Variants in DLG3 observed in about 807,000 individuals in gnomAD.
DLG3 encodes discs large MAGUK scaffold protein 3.
DLG3 carries 1 observed loss-of-function variant against 64.1 expected under a neutral mutation model. That is an observed-to-expected ratio of 0.02 (90% CI 0.01 to 0.07). DLG3 has a LOEUF of 0.07. DLG3 is among the 10% of genes least tolerant of loss of function. The probability of loss-of-function intolerance (pLI) is 1.00; values close to 1 mark genes in which losing one functional copy is unlikely to be tolerated. For missense variants in DLG3, 429 were observed against 669.5 expected (o/e 0.64, Z 3.96); for synonymous variants, 245 against 259.8 (o/e 0.94, Z 0.55).
chrX:70,454,972 GC>G, intron 9 of DLG3: 1 of 724,956 alleles, frequency 1.4e-6, no homozygotes. Context: ...GCCGAGGTGA[GC>G]CGCGGGAAGG....
At chrX:70,495,358 C>G in intron 12 of DLG3, 50 bp from the exon 13 acceptor site, 1 of 1,138,294 alleles carries the variant, frequency 8.8e-7, no homozygotes, top group Non-Finnish European at 1.2e-6. Context: ...TCCCCTTCCC[C>G]CCTCTTCTCC....
chrX:70,445,213 C>A lies in DLG3; in HGVS notation c.12C>A (p.His4Gln), dbSNP rs910976467. 8.6e-7 allele frequency: 1 copy of A among 1,158,979 alleles called. No individual in the cohort carries two copies. The highest frequency in any genetic ancestry group is 1.9e-5 in the South Asian group (1 of 52,772). MHKHQHCCKCPECY... is the reference protein window; with the variant it reads MHKQQHCCKCPECY... ...CGGGGGGCAGTGCCATGCACAAGCA[C>A]CAGCACTGCTGTAAGTGCCCTGAGT... is the stretch of plus-strand genomic sequence containing the variant. Residue 4 changes from histidine (H) to glutamine (Q), a missense_variant, in exon 1 of 19, where the codon CAC becomes CAA. Around this residue, in one of 9 missense-constraint regions of DLG3, gnomAD observed 123 missense variants for 113.3 expected, o/e 1.09. Coordinates refer to ENST00000374360, the MANE Select transcript of DLG3 (RefSeq NM_021120.4).
At chrX:70,467,910 T>C (rs1329058735) in intron 9 of DLG3, among the ~76,000 whole-genome samples, 1 of 111,982 alleles carries the variant, frequency 8.9e-6, no homozygotes, top group Non-Finnish European at 1.9e-5. Context: ...TGCTTTAAGA[T>C]ATAGAGAAGG....
intron 9 of DLG3, among the ~76,000 whole-genome samples, chrX:70,472,094 A>G (rs1229487995): frequency 8.9e-6 from 1 of 112,199 alleles, no homozygotes; most frequent in African/African-American, 3.2e-5. Flanking sequence ...GCACTCTGCC[A>G]TCTACTCCCA....
At chrX:70,447,769 G>C (rs1231526267) in intron 1 of DLG3, among the ~76,000 whole-genome samples, 1 of 112,393 alleles carries the variant, frequency 8.9e-6, no homozygotes, top group Admixed American at 9.4e-5. Flanking sequence ...CCAGCAGGCA[G>C]GTGCTGCTTG....
chrX:70,469,021 A>G (rs2086927436), intron 9 of DLG3, among the ~76,000 whole-genome samples: 1 of 110,578 alleles, frequency 9.0e-6, no homozygotes, highest in Admixed American at 9.7e-5. Flanking sequence ...CTTCATTATT[A>G]TTATTTTCAG....
rs1268183953 is a variant in DLG3, at chrX:70,452,763, T to C, written c.1145+737T>C. 4.9e-5 allele frequency: 57 copies of C among 1,163,843 alleles called. No individual in the cohort carries two copies. Among genetic ancestry groups the C allele is most frequent in the Non-Finnish European group, 6.0e-5 (52 of 873,187 alleles). ...GCCCGGAGGGGATGCCAGGTAGGAG[T>C]GGAGGGCTAGGAGCAAGAGCATCCG... On this transcript the variant is annotated intron_variant, in intron 7 of 18. Transcript: ENST00000374360.
intron 9 of DLG3, among the ~76,000 whole-genome samples, chrX:70,478,087 A>G: frequency 8.9e-6 from 1 of 112,439 alleles, no homozygotes; most frequent in Middle Eastern, 4.6e-3. Context: ...CTTCAAAGTC[A>G]GCTTGTCATA....
At chrX:70,461,562 A>T (rs1374643740) in intron 9 of DLG3, among the ~76,000 whole-genome samples, 1 of 103,779 alleles carries the variant, frequency 9.6e-6, no homozygotes, top group Non-Finnish European at 2.0e-5. Flanking sequence ...GATAAAAATG[A>T]TAGGGCCCCC....
At chrX:70,460,862 G>A (rs764874060) in intron 9 of DLG3, among the ~76,000 whole-genome samples, 1 of 111,828 alleles carries the variant, frequency 8.9e-6, no homozygotes, top group East Asian at 2.8e-4. Flanking sequence ...CTCTCACTTA[G>A]CATAATATTG....
intron 4 of DLG3, 123 bp from the exon 5 acceptor site, chrX:70,450,046 T>TC (rs1252109909): frequency 9.7e-7 from 1 of 1,027,425 alleles, no homozygotes; most frequent in Non-Finnish European, 1.3e-6. Flanking sequence ...AGCGTTTGGA[T>TC]CCCCCGGGGG....
In DLG3 at chrX:70,472,573, A is replaced by C. The variant is rs772825838; in HGVS notation, c.1406-6577A>C. Among the ~76,000 whole-genome samples, 4 of 111,180 alleles carry C rather than the reference A, an allele frequency of 3.6e-5. 1 individual carries two copies. In the South Asian group the frequency reaches 1.5e-3, roughly 43 times the overall value. On this transcript the variant is annotated intron_variant, in intron 9 of 18. Coordinates refer to ENST00000374360, the MANE Select transcript of DLG3 (RefSeq NM_021120.4). ...CCTGTCTCAGAAAAGAAAAAGAAAA[A>C]AAAAGAATTAGAGAGCTTCCCAGTA... is the stretch of plus-strand genomic sequence containing the variant.
At chrX:70,467,431 G>T (rs898971319) in intron 9 of DLG3, among the ~76,000 whole-genome samples, 8 of 111,415 alleles carry the variant, frequency 7.2e-5, no homozygotes, top group Admixed American at 9.6e-5. Flanking sequence ...TTTTACTTTT[G>T]GATTATCAGT....
chrX:70,497,228 G>A lies in DLG3; in HGVS notation c.1820-1292G>A. On this transcript the variant is annotated intron_variant, in intron 13 of 18. Coordinates refer to ENST00000374360, the MANE Select transcript of DLG3 (RefSeq NM_021120.4). ...GACAGCGAAAGCAGTTCCAGTAAGT[G>A]TGTGTCATTCCTTCCATGTCGTGTA... is the stretch of plus-strand genomic sequence containing the variant. 1 of 1,207,740 alleles carries A rather than the reference G, an allele frequency of 8.3e-7. No homozygotes were observed. Among genetic ancestry groups the A allele is most frequent in the Admixed American group, 2.2e-5 (1 of 46,130 alleles).
Position 70,500,341 on chromosome X carries a change from T to C in DLG3, c.2146-130T>C, listed in dbSNP as rs781132042. Reference sequence around the variant, plus strand: ...AGAGATCGAATTTCTTAGGCCACTTTGGGTGGCCCTCGTGCCCCTCCCCTC... The same window carrying C: ...AGAGATCGAATTTCTTAGGCCACTTCGGGTGGCCCTCGTGCCCCTCCCCTC... On this transcript the variant is annotated intron_variant, in intron 16 of 18. Coordinates refer to ENST00000374360, the MANE Select transcript of DLG3 (RefSeq NM_021120.4). 755 of 582,181 alleles carry C rather than the reference T, an allele frequency of 1.3e-3. 10 individuals carry two copies. The highest frequency in any genetic ancestry group is 4.0e-4 in the Admixed American group (15 of 37,340). The allele number at this position is 582,181 out of a possible 1,213,427, so 48.0% of individuals were successfully genotyped here.
At position 70,494,600 on chromosome X, in the gene DLG3, G is replaced by A. The variant is rs771437765; in HGVS notation, c.1774-808G>A. 2.8e-4 allele frequency among the ~76,000 whole-genome samples: 32 copies of A among 112,434 alleles called. 1 individual carries two copies. In the South Asian group the frequency reaches 0.011, roughly 39 times the overall value. On this transcript the variant is annotated intron_variant, in intron 12 of 18. Coordinates refer to ENST00000374360, the MANE Select transcript of DLG3 (RefSeq NM_021120.4). The stretch of plus-strand genomic sequence containing the variant: ...GACGGGGTGGCTCTGCTCATGAGCA[G>A]TTAGGAGACAGTCTGAGTCAGAGGC...
At chrX:70,502,091 G>T (rs1039416949) in intron 18 of DLG3, 72 bp from the exon 19 acceptor site, 3 of 777,703 alleles carry the variant, frequency 3.9e-6, no homozygotes, top group Non-Finnish European at 5.8e-6. Flanking sequence ...ATTGTTGGGA[G>T]AGGCAGGATT....
At position 70,503,385 on chromosome X, in the gene DLG3, C is replaced by G. The variant is rs1302045380; in HGVS notation, c.*1116C>G. 8.9e-6 allele frequency: 1 copy of G among 112,136 alleles called. No individual in the cohort carries two copies. The highest frequency in any genetic ancestry group is 1.9e-5 in the Non-Finnish European group (1 of 53,188). The allele number at this position is 112,136 out of a possible 1,213,427, so 9.2% of individuals were successfully genotyped here. A position where few individuals can be genotyped will look rare whatever the true frequency, so the allele number is the denominator to read the frequency against. On this transcript the variant is annotated 3_prime_UTR_variant, in exon 19 of 19. Transcript: ENST00000374360. ...CTTATGAGGTCCTGAAGGAGCCAGGCCTTGTGATGGAGTAGGTGACACAGG... is the reference window on the plus strand; with the variant it reads ...CTTATGAGGTCCTGAAGGAGCCAGGGCTTGTGATGGAGTAGGTGACACAGG...
rs1321434010 is a variant in DLG3 at position 70,450,089 on chromosome X, G to A, written c.704-80G>A. Reference sequence around the variant, plus strand: ...TGTGGGGCCAGTGGGTTGGCTGGGGGAGGGGGTTTGGATTTGGGATCGACA... The same window carrying A: ...TGTGGGGCCAGTGGGTTGGCTGGGGAAGGGGGTTTGGATTTGGGATCGACA... On this transcript the variant is annotated intron_variant, in intron 4 of 18. Coordinates refer to ENST00000374360, the MANE Select transcript of DLG3 (RefSeq NM_021120.4). 5 of 1,157,596 alleles carry A rather than the reference G, an allele frequency of 4.3e-6. No homozygotes were observed. In the African/African-American group the frequency reaches 8.9e-5, roughly 21 times the overall value.
Sources: allele counts gnomAD v4.1 joint callset (sites outside exome capture counted in the v4.1 genomes callset), GRCh38; gene constraint gnomAD v4.1.1; regional missense constraint gnomAD v4.1.1; transcripts MANE v1.5; gene names NCBI Gene and HGNC (gene_info 2026-07-23, HGNC 2026-07-21).